Variants in G3BP1 observed in about 807,000 individuals in gnomAD.
G3BP1 encodes G3BP stress granule assembly factor 1.
In G3BP1, 35 loss-of-function variants were observed where a neutral mutation model predicts 58.6. The observed-to-expected ratio is 0.60, with a 90% CI of 0.46 to 0.79. The LOEUF (loss-of-function observed/expected upper bound fraction) is 0.79. Ranked by LOEUF, G3BP1 falls within the 30% of genes least tolerant of loss-of-function variation. The pLI is 0.00. For missense variants in G3BP1, 523 were observed against 580.8 expected (o/e 0.90, Z 1.02); for synonymous variants, 191 against 195.4 (o/e 0.98, Z 0.19).
chr5:151,785,071 T>C (rs1366290870), intron 1 of G3BP1, among the ~76,000 whole-genome samples: 1 of 152,252 alleles, frequency 6.6e-6, no homozygotes, highest in Non-Finnish European at 1.5e-5. Flanking sequence ...ACTGTTAAAA[T>C]GTTAAACTAA....
At chr5:151,776,987 C>G (rs758401176) in intron 1 of G3BP1, among the ~76,000 whole-genome samples, 1 of 151,348 alleles carries the variant, frequency 6.6e-6, no homozygotes, top group Non-Finnish European at 1.5e-5. Flanking sequence ...CATTAATTAC[C>G]AGGTATTTCA....
At position 151,804,001 on chromosome 5, in the gene G3BP1, G is replaced by T; in HGVS notation, c.1311G>T (p.Gly437=). 6.2e-7 allele frequency: 1 copy of T among 1,613,704 alleles called. No homozygotes were observed. The change falls in exon 12 of 12, where the codon GGG becomes GGT. Residue 437 remains glycine (G), a synonymous_variant. Coordinates refer to ENST00000356245, the MANE Select transcript of G3BP1 (RefSeq NM_005754.3). ...RLRGPGGPRG[G]LGGGMRGPPR... ...GGGGACCTGGAGGCCCTCGAGGTGG[G>T]CTGGGTGGTGGAATGAGAGGCCCTC... is the stretch of plus-strand genomic sequence containing the variant.
intron 11 of G3BP1, among the ~76,000 whole-genome samples, 181 bp from the exon 12 acceptor site, chr5:151,803,704 C>A (rs1762895261): frequency 6.6e-6 from 1 of 152,058 alleles, no homozygotes; most frequent in African/African-American, 2.4e-5. Flanking sequence ...CCATGTTGGT[C>A]AGGCTGGTCT....
At chr5:151,795,035 T>C in intron 5 of G3BP1, among the ~76,000 whole-genome samples, 1 of 152,184 alleles carries the variant, frequency 6.6e-6, no homozygotes, top group Non-Finnish European at 1.5e-5. Context: ...TCCAGCACTT[T>C]GGGAGGCCCA....
At chr5:151,775,300 G>A (rs6867160) in intron 1 of G3BP1, among the ~76,000 whole-genome samples, 1,727 of 152,308 alleles carry the variant, frequency 0.011, 29 homozygotes, top group African/African-American at 0.032. Flanking sequence ...GTAATCTTTG[G>A]TGGCTATTAA....
intron 1 of G3BP1, among the ~76,000 whole-genome samples, chr5:151,774,501 C>G (rs188280194): frequency 6.6e-6 from 1 of 151,968 alleles, no homozygotes; most frequent in African/African-American, 2.4e-5. Flanking sequence ...ACATTTGTGA[C>G]TAAAGCCAAT....
intron 2 of G3BP1, chr5:151,787,177 A>C (rs900080619): frequency 3.3e-5 from 5 of 152,536 alleles, no homozygotes; most frequent in African/African-American, 1.2e-4. Flanking sequence ...TAATTTTTGA[A>C]AGTTAAACTA....
intron 1 of G3BP1, among the ~76,000 whole-genome samples, chr5:151,780,109 G>C (rs1762441013): frequency 6.6e-6 from 1 of 152,102 alleles, no homozygotes; most frequent in African/African-American, 2.4e-5. Flanking sequence ...CCAATGTTTG[G>C]TGTTGACTGA....
At chr5:151,777,379 C>G (rs73281638) in intron 1 of G3BP1, among the ~76,000 whole-genome samples, 5 of 152,300 alleles carry the variant, frequency 3.3e-5, no homozygotes, top group Admixed American at 2.6e-4. Flanking sequence ...AAAAAGACCA[C>G]TTAAATACTA....
chr5:151,779,572 A>G (rs1435694207), intron 1 of G3BP1, among the ~76,000 whole-genome samples: 1 of 152,196 alleles, frequency 6.6e-6, no homozygotes, highest in Non-Finnish European at 1.5e-5. Flanking sequence ...GTGTATACTA[A>G]AAACACTTTT....
intron 1 of G3BP1, among the ~76,000 whole-genome samples, chr5:151,781,216 C>G (rs1280671350): frequency 1.3e-5 from 2 of 152,082 alleles, no homozygotes; most frequent in Non-Finnish European, 2.9e-5. Context: ...TCAAAATGAA[C>G]CCACACAAAC....
At chr5:151,784,378 T>C (rs1444900297) in intron 1 of G3BP1, among the ~76,000 whole-genome samples, 1 of 152,218 alleles carries the variant, frequency 6.6e-6, no homozygotes. Context: ...TTAATCTAAA[T>C]GCTGGAAAAC....
intron 11 of G3BP1, among the ~76,000 whole-genome samples, chr5:151,802,556 T>A (rs1333098705): frequency 6.6e-6 from 1 of 152,258 alleles, no homozygotes; most frequent in East Asian, 1.9e-4. Flanking sequence ...GACAAGTTAC[T>A]TAACCTCCCC....
intron 3 of G3BP1, among the ~76,000 whole-genome samples, 179 bp from the exon 4 acceptor site, chr5:151,790,710 T>C (rs1762636336): frequency 6.6e-6 from 1 of 152,164 alleles, no homozygotes; most frequent in South Asian, 2.1e-4. Context: ...TTTAAAAAAC[T>C]CAAGCGCGGT....
At chr5:151,794,064 A>C (rs765103572) in intron 4 of G3BP1, 95 bp from the exon 5 acceptor site, 3 of 744,716 alleles carry the variant, frequency 4.0e-6, no homozygotes, top group African/African-American at 1.8e-5. Flanking sequence ...CAGATGTCTC[A>C]TGGAGGCAGA....
intron 2 of G3BP1, among the ~76,000 whole-genome samples, chr5:151,787,603 TCTC>T (rs1306679603): frequency 2.0e-5 from 3 of 152,210 alleles, no homozygotes; most frequent in East Asian, 1.9e-4. Context: ...TGTACTTTAA[TCTC>T]CTAATGATGG....
At chr5:151,772,569 T>C (rs557511385) in intron 1 of G3BP1, 1 of 152,374 alleles carries the variant, frequency 6.6e-6, no homozygotes, top group African/African-American at 2.4e-5. Context: ...CACGGAGTGG[T>C]AGTAACAACC....
chr5:151,791,201 C>A, intron 4 of G3BP1, 139 bp downstream of exon 4: 2 of 690,114 alleles, frequency 2.9e-6, no homozygotes, highest in Non-Finnish European at 2.6e-6. Context: ...CTCCTATATA[C>A]TCCTTACCTA....
chr5:151,786,536 AT>A (rs1762557574), intron 1 of G3BP1, 35 bp from the exon 2 acceptor site: 2 of 845,126 alleles, frequency 2.4e-6, no homozygotes, highest in African/African-American at 3.3e-5. Context: ...TTTCAGCTAA[AT>A]GATTCGGTCT....
Sources: gnomAD v4.1 joint callset for allele counts (sites outside exome capture counted in the v4.1 genomes callset) on GRCh38, gnomAD v4.1.1 for gene constraint, MANE v1.5 for transcripts, NCBI Gene and HGNC (gene_info 2026-07-23, HGNC 2026-07-21) for gene names.